TRIM67: variants seen among roughly 807,000 people sequenced by gnomAD.
TRIM67 encodes tripartite motif containing 67.
In TRIM67, 39 loss-of-function variants were observed where a neutral mutation model predicts 71.0. The observed-to-expected ratio is 0.55, with a 90% CI of 0.43 to 0.72. The LOEUF (loss-of-function observed/expected upper bound fraction) is 0.72. Ranked by LOEUF, TRIM67 falls within the 30% of genes least tolerant of loss-of-function variation. The probability of loss-of-function intolerance (pLI) is 0.00; values close to 1 mark genes in which losing one functional copy is unlikely to be tolerated. For missense variants in TRIM67, 973 were observed against 1,079.2 expected, an observed-to-expected ratio of 0.90 and a Z score of 1.38; for synonymous variants, 481 against 473.9, an observed-to-expected ratio of 1.01 and a Z score of -0.19.
intron 9 of TRIM67, among the ~76,000 whole-genome samples, chr1:231,214,684 TAGG>T (rs1683964637): frequency 2.1e-5 from 3 of 144,434 alleles, no homozygotes; most frequent in African/African-American, 7.8e-5. Flanking sequence ...GAGGCTGAGG[TAGG>T]AGAATGGCAT....
In TRIM67 at chr1:231,162,696, G is replaced by A. The variant is rs1299711275; in HGVS notation, c.-274G>A. On this transcript the variant is annotated 5_prime_UTR_variant, in exon 1 of 10. Coordinates refer to ENST00000366653, the MANE Select transcript of TRIM67 (RefSeq NM_001004342.5). ...CAGGCCACCGCGAGGGCAGCCGACC[G>A]GCTCCGGAATCTGGCCGCAGGTTGA... 6.7e-6 allele frequency: 3 copies of A among 450,268 alleles called. No individual in the cohort carries two copies. Among genetic ancestry groups the A allele is most frequent in the African/African-American group, 6.3e-5 (3 of 47,764 alleles). 27.9% of individuals were successfully genotyped at this position (450,268 alleles called of 1,614,324 possible).
rs749819455 is a variant in TRIM67, at chr1:231,163,886, A to C, written c.917A>C (p.His306Pro). 4 of 1,581,910 alleles carry C rather than the reference A, an allele frequency of 2.5e-6. No homozygotes were observed. The highest frequency in any genetic ancestry group is 1.2e-5 in the South Asian group (1 of 86,184). The change falls in exon 1 of 10, where the codon CAT becomes CCT. Residue 306 changes from histidine (H) to proline (P), a missense_variant. This residue lies in a region of TRIM67 where 795 missense variants were observed against 831.3 expected (regional missense o/e 0.96). Coordinates refer to ENST00000366653, the MANE Select transcript of TRIM67 (RefSeq NM_001004342.5). ...TARKFPTCPE[H>P]EMENYSMYCV... ...CGCAAGTTCCCCACGTGTCCCGAGC[A>C]TGAAATGGAGAACTACAGCATGTAC...
chr1:231,217,305 C>G lies in TRIM67; in HGVS notation c.*1865C>G. ...CTGCTTCATGGAAGTCTAGGTCTTG[C>G]CTCTTCCTTGTCATCTCACCAAGCG... On this transcript the variant is annotated 3_prime_UTR_variant, in exon 10 of 10. Transcript: ENST00000366653. The G allele has an allele frequency of 1.0e-6, 1 of 986,168 alleles. No individual in the cohort carries two copies. The highest frequency in any genetic ancestry group is 1.2e-6 in the Non-Finnish European group (1 of 830,356). The allele number at this position is 986,168 out of a possible 1,614,324, so 61.1% of individuals were successfully genotyped here.
chr1:231,165,253 C>T (rs567502972), intron 1 of TRIM67, among the ~76,000 whole-genome samples: 25 of 152,310 alleles, frequency 1.6e-4, no homozygotes, highest in Non-Finnish European at 3.1e-4. Flanking sequence ...CAACAGTGCT[C>T]TGGAGAGAAA....
Position 231,162,702 on chromosome 1 carries a change from G to A in TRIM67, c.-268G>A, listed in dbSNP as rs1255468459. ...ACCGCGAGGGCAGCCGACCGGCTCC[G>A]GAATCTGGCCGCAGGTTGAAGCCGC... is the stretch of plus-strand genomic sequence containing the variant. On this transcript the variant is annotated 5_prime_UTR_variant, in exon 1 of 10. Transcript: ENST00000366653. The A allele has an allele frequency of 4.3e-6, 2 of 469,454 alleles. No individual in the cohort carries two copies. The highest frequency in any genetic ancestry group is 2.1e-5 in the African/African-American group (1 of 48,108). The allele number at this position is 469,454 out of a possible 1,614,324, so 29.1% of individuals were successfully genotyped here.
At chr1:231,205,725 CAA>C (rs11325333) in intron 6 of TRIM67, among the ~76,000 whole-genome samples, 3,693 of 98,254 alleles carry the variant, frequency 0.038, 105 homozygotes, top group East Asian at 0.22. Context: ...GACTCTGTCT[CAA>C]AAAAAAAAAA....
At chr1:231,195,227 C>G (rs966572192) in intron 1 of TRIM67, among the ~76,000 whole-genome samples, 7 of 152,190 alleles carry the variant, frequency 4.6e-5, no homozygotes, top group African/African-American at 1.7e-4. Flanking sequence ...AGATGGGTGT[C>G]AAACCTGTGC....
Position 231,220,112 on chromosome 1 carries a change from T to A in TRIM67, c.*4672T>A. The A allele has an allele frequency of 2.0e-6, 1 of 501,910 alleles. No homozygotes were observed. Among genetic ancestry groups the A allele is most frequent in the East Asian group, 7.0e-5 (1 of 14,200 alleles). The allele number at this position is 501,910 out of a possible 1,614,324, so 31.1% of individuals were successfully genotyped here. On this transcript the variant is annotated 3_prime_UTR_variant, in exon 10 of 10. Coordinates refer to ENST00000366653, the MANE Select transcript of TRIM67 (RefSeq NM_001004342.5). ...ACATTTTTAAAGAAAAAAAGTGCAG[T>A]CTTTCATCTCTGGCATCTAAGCTAA...
rs927729208 is a variant in TRIM67 at position 231,212,664 on chromosome 1, G to A, written c.2124-1151G>A. On this transcript the variant is annotated intron_variant, in intron 8 of 9. Coordinates refer to ENST00000366653, the MANE Select transcript of TRIM67 (RefSeq NM_001004342.5). ...GTTGAGCCCAGGGGTTCCAGGCAAC[G>A]GTGAGCCATGATTGCACCACTGCCT... 7.2e-5 allele frequency among the ~76,000 whole-genome samples: 11 copies of A among 151,948 alleles called. No individual in the cohort carries two copies. The East Asian group carries it at 1.2e-3, about 16-fold the overall frequency.
At chr1:231,181,467 G>C (rs1682905745) in intron 1 of TRIM67, among the ~76,000 whole-genome samples, 1 of 152,218 alleles carries the variant, frequency 6.6e-6, no homozygotes, top group Non-Finnish European at 1.5e-5. Flanking sequence ...AAGTTGGGGG[G>C]TGGTGTTTGT....
chr1:231,198,461 A>G (rs1683429191), intron 2 of TRIM67, among the ~76,000 whole-genome samples: 1 of 152,108 alleles, frequency 6.6e-6, no homozygotes, highest in Non-Finnish European at 1.5e-5. Flanking sequence ...ATCTCAGCTC[A>G]CCGCAACCTC....
chr1:231,163,914 C>A lies in TRIM67; in HGVS notation c.945C>A (p.Cys315Ter), dbSNP rs1324721120. The A allele has an allele frequency of 6.3e-7, 1 of 1,586,270 alleles. No individual in the cohort carries two copies. The highest frequency in any genetic ancestry group is 1.8e-5 in the Admixed American group (1 of 56,226). ...EHEMENYSMYCVSCRTPVCYL... is the reference protein window; with the variant it reads ...EHEMENYSMY ...AAATGGAGAACTACAGCATGTACTG[C>A]GTGAGCTGTCGAACCCCGGTGTGTT... The change falls in exon 1 of 10, where the codon TGC becomes TGA. Residue 315 changes from cysteine (C) to a stop codon, truncating the protein, a stop_gained. Transcript: ENST00000366653. LOFTEE classifies it high-confidence loss of function.
chr1:231,200,250 T>TTCTTACAGG lies in TRIM67; in HGVS notation c.1368_1374+2dup, dbSNP rs1371438239. The TTCTTACAGG allele has an allele frequency of 4.3e-6, 7 of 1,610,580 alleles. No homozygotes were observed. Among genetic ancestry groups the TTCTTACAGG allele is most frequent in the Non-Finnish European group, 5.1e-6 (6 of 1,177,088 alleles). ...GATCAAGGAGAACGACCCCTCCGGG[T>TTCTTACAGG]TCTTACAGGTGAGCCTGTCCCTGGA... On this transcript the variant is annotated inframe_insertion, in exon 4 of 10. Coordinates refer to ENST00000366653, the MANE Select transcript of TRIM67 (RefSeq NM_001004342.5).
chr1:231,203,022 G>A (rs1366308494), intron 5 of TRIM67, among the ~76,000 whole-genome samples: 1 of 152,122 alleles, frequency 6.6e-6, no homozygotes, highest in East Asian at 1.9e-4. Flanking sequence ...GATGGAGCGA[G>A]GACTCCTACC....
chr1:231,185,371 G>A, intron 1 of TRIM67: 1 of 821,806 alleles, frequency 1.2e-6, no homozygotes, highest in Non-Finnish European at 1.9e-6. Flanking sequence ...CTGAAGTGGG[G>A]AAGAATCTAA....
chr1:231,217,142 CCTCAAAGCTCATG>C lies in TRIM67; in HGVS notation c.*1706_*1718del. ...CCACTCAGCAGGCCCGACAATCCTA[CCTCAAAGCTCATG>C]CTCTTGGTCTGCAAGGCTGCTTGGT... On this transcript the variant is annotated 3_prime_UTR_variant, in exon 10 of 10. Coordinates refer to ENST00000366653, the MANE Select transcript of TRIM67 (RefSeq NM_001004342.5). 1 of 985,942 alleles carries C rather than the reference CCTCAAAGCTCATG, an allele frequency of 1.0e-6. No homozygotes were observed. The highest frequency in any genetic ancestry group is 1.2e-6 in the Non-Finnish European group (1 of 829,996). The allele number at this position is 985,942 out of a possible 1,614,324, so 61.1% of individuals were successfully genotyped here. A position where few individuals can be genotyped will look rare whatever the true frequency, so the allele number is the denominator to read the frequency against.
Position 231,217,518 on chromosome 1 carries a change from G to T in TRIM67, c.*2078G>T. The T allele has an allele frequency of 9.9e-7, 1 of 1,006,194 alleles. No individual in the cohort carries two copies. The highest frequency in any genetic ancestry group is 1.2e-6 in the Non-Finnish European group (1 of 842,142). 62.3% of individuals were successfully genotyped at this position (1,006,194 alleles called of 1,614,324 possible). On this transcript the variant is annotated 3_prime_UTR_variant, in exon 10 of 10. Coordinates refer to ENST00000366653, the MANE Select transcript of TRIM67 (RefSeq NM_001004342.5). The stretch of plus-strand genomic sequence containing the variant: ...ATGGAGACGATCCCTAAAGATTGAG[G>T]ATGAAGAGGAGCCACCACTTTCCTG...
intron 1 of TRIM67, 61 bp downstream of exon 1, chr1:231,164,074 T>C (rs759215902): frequency 7.9e-6 from 11 of 1,400,662 alleles, no homozygotes; most frequent in Non-Finnish European, 1.0e-5. Flanking sequence ...AGAAAGGCTT[T>C]TGGCCTCTCC....
intron 7 of TRIM67, among the ~76,000 whole-genome samples, chr1:231,208,049 G>C (rs1482087908): frequency 7.3e-6 from 1 of 137,306 alleles, no homozygotes. Context: ...CCACTCTGTT[G>C]CCCAGGCTGG....
Sources: allele counts gnomAD v4.1 joint callset (sites outside exome capture counted in the v4.1 genomes callset), GRCh38; gene constraint gnomAD v4.1.1; regional missense constraint gnomAD v4.1.1; transcripts MANE v1.5; gene names NCBI Gene and HGNC (gene_info 2026-07-23, HGNC 2026-07-21).